Variants in SOHLH2 observed in about 807,000 individuals in gnomAD.
SOHLH2 encodes the protein spermatogenesis and oogenesis specific basic helix-loop-helix 2.
A neutral mutation model predicts 50.4 loss-of-function variants in SOHLH2; 22 were observed. That is an observed-to-expected ratio of 0.44 (90% CI 0.31 to 0.62). The LOEUF is 0.62. SOHLH2 is among the 20% of genes least tolerant of loss of function. The probability of loss-of-function intolerance (pLI) is 0.08; values close to 1 mark genes in which losing one functional copy is unlikely to be tolerated. For missense variants in SOHLH2, 412 were observed against 504.4 expected (o/e 0.82, Z 1.76); for synonymous variants, 185 against 187.3 (o/e 0.99, Z 0.10).
chr13:36,176,500 T>C (rs1348861428), intron 6 of SOHLH2, among the ~76,000 whole-genome samples: 1 of 152,158 alleles, frequency 6.6e-6, no homozygotes, highest in East Asian at 1.9e-4. Context: ...GTGTTTAAGA[T>C]TTCAGACTTT....
At chr13:36,169,275 G>A (rs1362339884) in intron 10 of SOHLH2, among the ~76,000 whole-genome samples, 1 of 151,984 alleles carries the variant, frequency 6.6e-6, no homozygotes, top group East Asian at 1.9e-4. Context: ...AGTAAGTATA[G>A]GTCAACAATT....
chr13:36,183,739 C>A (rs534603553), intron 6 of SOHLH2, among the ~76,000 whole-genome samples: 3 of 152,142 alleles, frequency 2.0e-5, no homozygotes, highest in Admixed American at 1.3e-4. Context: ...TAGAAAAAAA[C>A]CATGCAAACA....
chr13:36,180,643 GTTTTT>G (rs34482342), intron 6 of SOHLH2, among the ~76,000 whole-genome samples: 1 of 140,816 alleles, frequency 7.1e-6, no homozygotes, highest in Admixed American at 7.0e-5. Context: ...TTACTTAGAA[GTTTTT>G]TTTTTTTTAA....
intron 6 of SOHLH2, among the ~76,000 whole-genome samples, chr13:36,185,183 T>C (rs1593943501): frequency 2.6e-5 from 4 of 152,164 alleles, no homozygotes; most frequent in Middle Eastern, 3.4e-3. Context: ...AAGCAAAGTA[T>C]AGAGGCCGGG....
intron 6 of SOHLH2, among the ~76,000 whole-genome samples, chr13:36,177,939 C>G (rs890902589): frequency 6.6e-6 from 1 of 151,918 alleles, no homozygotes; most frequent in African/African-American, 2.4e-5. Flanking sequence ...TACTCTCTCT[C>G]TCTCATGGTT....
intron 5 of SOHLH2, among the ~76,000 whole-genome samples, chr13:36,191,208 T>TGA (rs1000224269): frequency 3.3e-5 from 5 of 151,780 alleles, no homozygotes; most frequent in South Asian, 2.1e-4. Flanking sequence ...CTAATGTCTA[T>TGA]GAGAGAGAGA....
chr13:36,196,163 T>TCACTCAGGCGGGAGTGAAGTGGC (rs1887723029), intron 2 of SOHLH2, among the ~76,000 whole-genome samples: 1 of 151,266 alleles, frequency 6.6e-6, no homozygotes. Flanking sequence ...TCTTGCTTTG[T>TCACTCAGGCGGGAGTGAAGTGGC]CACTCAGGCG....
chr13:36,170,463 C>T, intron 10 of SOHLH2, 68 bp downstream of exon 10: 2 of 1,535,864 alleles, frequency 1.3e-6, no homozygotes, highest in East Asian at 4.6e-5. Context: ...ACAACAAATG[C>T]AGGTCAGGGG....
chr13:36,202,139 A>G (rs759587422), intron 1 of SOHLH2, 46 bp from the exon 2 acceptor site: 1 of 1,605,122 alleles, frequency 6.2e-7, no homozygotes, highest in South Asian at 1.1e-5. Context: ...TTGCCTAGGC[A>G]TAGGGAAAAT....
chr13:36,187,671 C>T (rs998270025), intron 6 of SOHLH2, among the ~76,000 whole-genome samples: 1 of 152,170 alleles, frequency 6.6e-6, no homozygotes, highest in Non-Finnish European at 1.5e-5. Flanking sequence ...TCAACTTCCT[C>T]CCTGATCGGG....
At chr13:36,196,127 A>ATAGATAAT (rs1555245225) in intron 2 of SOHLH2, among the ~76,000 whole-genome samples, 45 of 102,010 alleles carry the variant, frequency 4.4e-4, no homozygotes, top group African/African-American at 1.7e-3. Flanking sequence ...TAGATAGATA[A>ATAGATAAT]TTTTTTTTTT....
intron 1 of SOHLH2, 128 bp downstream of exon 1, chr13:36,214,351 T>G: frequency 2.6e-6 from 3 of 1,166,364 alleles, no homozygotes; most frequent in Non-Finnish European, 3.6e-6. Flanking sequence ...CTTCCTGCTA[T>G]TCGCTCCCCA....
chr13:36,209,697 TTCA>T (rs1300315903), intron 1 of SOHLH2, among the ~76,000 whole-genome samples: 2 of 152,210 alleles, frequency 1.3e-5, no homozygotes, highest in Non-Finnish European at 2.9e-5. Flanking sequence ...GGCACAAACA[TTCA>T]GACTACAGCA....
chr13:36,195,415 G>A (rs1198722625), intron 2 of SOHLH2, among the ~76,000 whole-genome samples: 1 of 152,166 alleles, frequency 6.6e-6, no homozygotes, highest in East Asian at 1.9e-4. Context: ...CTGGCACAGG[G>A]CATCTGAGGA....
chr13:36,175,264 A>C (rs774805411), intron 6 of SOHLH2, among the ~76,000 whole-genome samples: 4 of 152,174 alleles, frequency 2.6e-5, no homozygotes, highest in African/African-American at 4.8e-5. Flanking sequence ...CATGATATAA[A>C]AATCCTTTTG....
In SOHLH2 at chr13:36,170,620, G is replaced by A. The variant is rs1593931932; in HGVS notation, c.1168C>T (p.Pro390Ser). Reference sequence around the variant, plus strand: ...TTTGAGACCGGGGGCATGGCTGAAGGTAAATGAATTGAAATGTTCTGATTT... The same window carrying A: ...TTTGAGACCGGGGGCATGGCTGAAGATAAATGAATTGAAATGTTCTGATTT... The part of the protein sequence containing the change: ...VTNQNISIHL[P>S]SAMPPVSKLL... The change falls in exon 10 of 11, where the codon CCT (proline) becomes TCT (serine). Residue 390 changes from proline to serine, a missense_variant. Pro to Ser is a moderately conservative substitution (Grantham distance 74). Coordinates refer to ENST00000379881, the MANE Select transcript of SOHLH2 (RefSeq NM_017826.3). 4 of 1,614,208 alleles carry A rather than the reference G, an allele frequency of 2.5e-6. No homozygotes were observed. The East Asian group carries it at 8.9e-5, about 36-fold the overall frequency.
intron 2 of SOHLH2, among the ~76,000 whole-genome samples, chr13:36,199,814 G>A (rs779851078): frequency 3.3e-5 from 5 of 152,150 alleles, no homozygotes; most frequent in African/African-American, 7.2e-5. Context: ...AGGTGGCTCT[G>A]ATAGTGAGCA....
chr13:36,198,098 C>T (rs919078873), intron 2 of SOHLH2, among the ~76,000 whole-genome samples: 1 of 152,146 alleles, frequency 6.6e-6, no homozygotes, highest in Admixed American at 6.5e-5. Context: ...GATCAGTTAG[C>T]TGGTCAGACA....
chr13:36,184,459 C>CTTTTTTTTTTTTTTTTTTTT lies in SOHLH2; in HGVS notation c.641+5486_641+5487insAAAAAAAAAAAAAAAAAAAA, dbSNP rs764218457. Among the ~76,000 whole-genome samples, 93 of 81,626 alleles carry CTTTTTTTTTTTTTTTTTTTT rather than the reference C, an allele frequency of 1.1e-3. 9 individuals are homozygous for CTTTTTTTTTTTTTTTTTTTT. The highest frequency in any genetic ancestry group is 4.4e-3 in the African/African-American group (89 of 20,378). 53.5% of individuals were successfully genotyped at this position (81,626 alleles called of 152,430 possible). A position where few individuals can be genotyped will look rare whatever the true frequency, so the allele number is the denominator to read the frequency against. On this transcript the variant is annotated intron_variant, in intron 6 of 10. Transcript: ENST00000379881. ...TGATGGAAGTTTCTACCTACAAAGA[C>CTTTTTTTTTTTTTTTTTTTT]CTTTTTTTTTTTTTTTTTTTGAGAC...
Sources: allele counts gnomAD v4.1 joint callset (sites outside exome capture counted in the v4.1 genomes callset), GRCh38; gene constraint gnomAD v4.1.1; transcripts MANE v1.5; gene names NCBI Gene and HGNC (gene_info 2026-07-23, HGNC 2026-07-21).